Variants in CABCOCO1 observed in about 807,000 individuals in gnomAD.
CABCOCO1 encodes the protein ciliary associated calcium binding coiled-coil 1.
A neutral mutation model predicts 35.7 loss-of-function variants in CABCOCO1; 28 were observed. That is an observed-to-expected ratio of 0.78 (90% CI 0.58 to 1.07). The LOEUF (loss-of-function observed/expected upper bound fraction) is 1.07, where lower values mean the gene tolerates loss of function less well. Among genes scored for constraint, CABCOCO1 ranks in the 50% least tolerant of loss-of-function variants. The pLI, the probability that CABCOCO1 is intolerant of heterozygous loss-of-function variation, is 0.00. For synonymous variants in CABCOCO1, 95 were observed against 100.1 expected, an observed-to-expected ratio of 0.95 and a Z score of 0.30; for missense variants, 326 against 309.2, an observed-to-expected ratio of 1.05 and a Z score of -0.41.
At chr10:61,739,530 T>A (rs1357872384) in intron 5 of CABCOCO1, among the ~76,000 whole-genome samples, 2 of 151,508 alleles carry the variant, frequency 1.3e-5, no homozygotes, top group African/African-American at 4.8e-5. Context: ...AACTTGGCAA[T>A]GTTATAACAA....
At chr10:61,696,706 T>C (rs1221030573) in intron 5 of CABCOCO1, among the ~76,000 whole-genome samples, 1 of 151,954 alleles carries the variant, frequency 6.6e-6, no homozygotes, top group Non-Finnish European at 1.5e-5. Flanking sequence ...GGGTCTCACT[T>C]TGTTGCCCAG....
chr10:61,726,935 C>A (rs1018577094), intron 5 of CABCOCO1, among the ~76,000 whole-genome samples: 3 of 150,998 alleles, frequency 2.0e-5, no homozygotes, highest in Middle Eastern at 3.5e-3. Flanking sequence ...TGGTGGCACA[C>A]ACCTGTAATT....
chr10:61,671,795 G>T (rs904760421), intron 1 of CABCOCO1, among the ~76,000 whole-genome samples: 2 of 152,088 alleles, frequency 1.3e-5, no homozygotes, highest in African/African-American at 4.8e-5. Flanking sequence ...GTTTTGTCTT[G>T]TCATTTACCT....
chr10:61,746,991 G>A (rs1276959726), intron 5 of CABCOCO1, among the ~76,000 whole-genome samples: 2 of 152,044 alleles, frequency 1.3e-5, no homozygotes, highest in Admixed American at 1.3e-4. Flanking sequence ...AGTTCTGTAG[G>A]TGATTAAATC....
chr10:61,703,237 C>CAT (rs1840505868), intron 5 of CABCOCO1, among the ~76,000 whole-genome samples: 2 of 149,920 alleles, frequency 1.3e-5, no homozygotes, highest in Admixed American at 6.7e-5. Context: ...GACACACACA[C>CAT]ACACACACAC....
At chr10:61,760,656 G>A (rs189556265) in intron 6 of CABCOCO1, among the ~76,000 whole-genome samples, 8 of 152,060 alleles carry the variant, frequency 5.3e-5, no homozygotes, top group Admixed American at 2.0e-4. Context: ...TAATGCATGC[G>A]GGCCTTAAAA....
intron 5 of CABCOCO1, among the ~76,000 whole-genome samples, chr10:61,729,355 A>G (rs1459398047): frequency 2.0e-5 from 3 of 152,266 alleles, no homozygotes; most frequent in Non-Finnish European, 2.9e-5. Context: ...CAACAGGTAT[A>G]TGGGAAAAAA....
chr10:61,679,221 C>T (rs1330002092), intron 2 of CABCOCO1, among the ~76,000 whole-genome samples: 1 of 151,970 alleles, frequency 6.6e-6, no homozygotes, highest in Admixed American at 6.6e-5. Context: ...TATAGATCAA[C>T]CAGAAGGGCA....
At chr10:61,694,429 A>T (rs955386329) in intron 5 of CABCOCO1, among the ~76,000 whole-genome samples, 2 of 151,422 alleles carry the variant, frequency 1.3e-5, no homozygotes, top group African/African-American at 4.9e-5. Flanking sequence ...AGATTTAGTA[A>T]ATTGGCATGT....
chr10:61,747,262 A>G (rs755854344), intron 5 of CABCOCO1, among the ~76,000 whole-genome samples: 5 of 152,200 alleles, frequency 3.3e-5, no homozygotes, highest in African/African-American at 4.8e-5. Context: ...GTGTGGTAAT[A>G]TTACCTTCCC....
intron 5 of CABCOCO1, among the ~76,000 whole-genome samples, chr10:61,758,609 C>T (rs1386494054): frequency 6.6e-6 from 1 of 152,006 alleles, no homozygotes; most frequent in Non-Finnish European, 1.5e-5. Context: ...CCAAATATGG[C>T]AACTTAATGA....
intron 5 of CABCOCO1, chr10:61,701,739 C>G: frequency 1.0e-6 from 1 of 985,138 alleles, no homozygotes; most frequent in Non-Finnish European, 1.2e-6. Flanking sequence ...TTCAGCAACC[C>G]ACATTTGAAA....
intron 5 of CABCOCO1, among the ~76,000 whole-genome samples, chr10:61,697,797 G>A (rs188011589): frequency 6.6e-4 from 101 of 152,176 alleles, no homozygotes; most frequent in Non-Finnish European, 1.2e-3. Context: ...GATAGACAGA[G>A]TGACTTCATC....
chr10:61,734,054 C>A (rs1564550708), intron 5 of CABCOCO1, among the ~76,000 whole-genome samples: 1 of 151,946 alleles, frequency 6.6e-6, no homozygotes, highest in Non-Finnish European at 1.5e-5. Flanking sequence ...CCCCCGCTTA[C>A]CCCCAGTTGA....
chr10:61,740,869 G>T (rs866533038), intron 5 of CABCOCO1, among the ~76,000 whole-genome samples: 1 of 152,130 alleles, frequency 6.6e-6, no homozygotes, highest in Non-Finnish European at 1.5e-5. Context: ...TAAGAGGGCC[G>T]GGTGCAGTGG....
chr10:61,677,186 A>G (rs897276739), intron 2 of CABCOCO1, among the ~76,000 whole-genome samples: 1 of 152,162 alleles, frequency 6.6e-6, no homozygotes, highest in Non-Finnish European at 1.5e-5. Context: ...TGTGGTCTTG[A>G]TGAAAGACTT....
At chr10:61,693,671 A>C (rs1840216718) in intron 5 of CABCOCO1, among the ~76,000 whole-genome samples, 1 of 151,930 alleles carries the variant, frequency 6.6e-6, no homozygotes, top group Admixed American at 6.6e-5. Flanking sequence ...ATTATACAAA[A>C]CCCCATATAT....
intron 1 of CABCOCO1, among the ~76,000 whole-genome samples, chr10:61,664,381 G>A (rs1471543569): frequency 1.3e-5 from 2 of 152,034 alleles, no homozygotes; most frequent in South Asian, 2.1e-4. Context: ...GATCATTTGG[G>A]GGTTTTAATG....
At chr10:61,745,346 G>T (rs907394762) in intron 5 of CABCOCO1, among the ~76,000 whole-genome samples, 1 of 152,006 alleles carries the variant, frequency 6.6e-6, no homozygotes, top group African/African-American at 2.4e-5. Flanking sequence ...CTGGCTTTGG[G>T]TAACTATTAT....
Sources: gnomAD v4.1 joint callset for allele counts (sites outside exome capture counted in the v4.1 genomes callset) on GRCh38, gnomAD v4.1.1 for gene constraint, MANE v1.5 for transcripts, NCBI Gene and HGNC (gene_info 2026-07-23, HGNC 2026-07-21) for gene names.